Variants in FGF13 observed in about 807,000 individuals in gnomAD.
FGF13 encodes fibroblast growth factor homologous factor 2.
FGF13 carries 2 observed loss-of-function variants against 19.5 expected under a neutral mutation model. The ratio of observed to expected loss-of-function variants is 0.10; its 90% CI spans 0.04 to 0.32. The LOEUF (loss-of-function observed/expected upper bound fraction) is 0.32, where lower values mean the gene tolerates loss of function less well. Ranked by LOEUF, FGF13 falls within the 10% of genes least tolerant of loss-of-function variation. The pLI is 1.00. For synonymous variants in FGF13, 72 were observed against 76.9 expected (o/e 0.94, Z 0.33); for missense variants, 113 against 192.7 (o/e 0.59, Z 2.45).
At chrX:139,048,442 T>C (rs766180973) in intron 1 of FGF13, among the ~76,000 whole-genome samples, 2 of 111,273 alleles carry the variant, frequency 1.8e-5, no homozygotes, top group African/African-American at 6.5e-5. Context: ...AGCACCTGTG[T>C]TCTTCCATAG....
chrX:138,743,719 G>T (rs986895748), upstream of FGF13, among the ~76,000 whole-genome samples: 38 of 111,270 alleles, frequency 3.4e-4, no homozygotes, highest in African/African-American at 1.2e-3. Flanking sequence ...ACTTGTACTG[G>T]GTACCTAATA....
rs1010718068 is a variant in FGF13, at chrX:139,033,490, CA to C, written c.-112-168841del. On this transcript the variant is annotated intron_variant, in intron 1 of 2. Coordinates refer to the FGF13 transcript ENST00000421460. ...GCCCCCATTTTAGAGATAAGGAAAT[CA>C]AAGCTCAGAGTGATGTATTGGCCTG... Among the ~76,000 whole-genome samples, 8 of 111,414 alleles carry C rather than the reference CA, an allele frequency of 7.2e-5. No individual in the cohort carries two copies. In the Admixed American group the frequency reaches 7.6e-4, roughly 11 times the overall value.
At chrX:138,859,516 G>A (rs1425024859) in intron 2 of FGF13, among the ~76,000 whole-genome samples, 1 of 112,472 alleles carries the variant, frequency 8.9e-6, no homozygotes, top group Non-Finnish European at 1.9e-5. Flanking sequence ...ACAGATAACA[G>A]TAAACTGTCT....
intron 1 of FGF13, among the ~76,000 whole-genome samples, chrX:138,953,799 T>G (rs926882528): frequency 3.6e-5 from 4 of 110,270 alleles, no homozygotes; most frequent in African/African-American, 1.3e-4. Flanking sequence ...ACCATCTGAA[T>G]GAAAAACAGC....
chrX:139,086,740 A>G (rs1372370765), intron 1 of FGF13, among the ~76,000 whole-genome samples: 1 of 112,339 alleles, frequency 8.9e-6, no homozygotes, highest in Non-Finnish European at 1.9e-5. Context: ...GTGTTGCGTG[A>G]ATTTCACTTT....
At chrX:139,162,740 C>T (rs1355202272) in intron 1 of FGF13, among the ~76,000 whole-genome samples, 1 of 112,128 alleles carries the variant, frequency 8.9e-6, no homozygotes, top group Non-Finnish European at 1.9e-5. Flanking sequence ...AAGATATGAA[C>T]AGACACTTCT....
chrX:139,112,587 G>T (rs1344327159), intron 1 of FGF13, among the ~76,000 whole-genome samples: 1 of 111,639 alleles, frequency 9.0e-6, no homozygotes, highest in African/African-American at 3.3e-5. Context: ...TTAGGCCCTG[G>T]ATCCAGTCAC....
At chrX:138,892,002 ATGTGTGTGTGTG>A (rs3077315) in intron 1 of FGF13, among the ~76,000 whole-genome samples, 1 of 90,369 alleles carries the variant, frequency 1.1e-5, no homozygotes, top group Non-Finnish European at 2.2e-5. Flanking sequence ...ATATATACAT[ATGTGTGTGTGTG>A]TGTGTGTGTG....
At chrX:138,638,095 C>A (rs1468461990) in intron 3 of FGF13, among the ~76,000 whole-genome samples, 1 of 111,506 alleles carries the variant, frequency 9.0e-6, no homozygotes, top group Non-Finnish European at 1.9e-5. Context: ...TACCTCTTCA[C>A]TGGACTGCTG....
chrX:138,913,638 GAGGAAGGAAGGAAGGAAGGAAGGAAGGA>G (rs747877973), intron 1 of FGF13, among the ~76,000 whole-genome samples: 924 of 61,770 alleles, frequency 0.015, 16 homozygotes, highest in African/African-American at 0.055. Flanking sequence ...AGGAGGGATG[GAGGAAGGAAGGAAGGAAGGAAGGAAGGA>G]AGGAAGGAAG....
intron 1 of FGF13, among the ~76,000 whole-genome samples, chrX:138,970,326 A>G (rs931054614): frequency 2.7e-5 from 3 of 111,434 alleles, no homozygotes; most frequent in African/African-American, 6.5e-5. Flanking sequence ...ATCAAGACCT[A>G]TTTTACAGTG....
At chrX:139,200,555 T>A (rs2084407410) in intron 1 of FGF13, among the ~76,000 whole-genome samples, 1 of 112,080 alleles carries the variant, frequency 8.9e-6, no homozygotes, top group Non-Finnish European at 1.9e-5. Context: ...GCAGCCAGCA[T>A]GAGCCCAGCC....
intron 1 of FGF13, among the ~76,000 whole-genome samples, chrX:138,927,418 T>C (rs192437442): frequency 3.6e-5 from 4 of 111,699 alleles, no homozygotes; most frequent in Admixed American, 9.4e-5. Flanking sequence ...CTCCATGAAA[T>C]AGACCACACT....
intron 1 of FGF13, among the ~76,000 whole-genome samples, chrX:138,728,885 G>C (rs1016540385): frequency 1.2e-4 from 13 of 111,330 alleles, no homozygotes; most frequent in Non-Finnish European, 2.3e-4. Context: ...CAGGTACTCA[G>C]AGCTAAAGCA....
At chrX:139,082,506 A>C (rs756051378) in intron 1 of FGF13, among the ~76,000 whole-genome samples, 4 of 111,831 alleles carry the variant, frequency 3.6e-5, no homozygotes, top group South Asian at 7.7e-4. Flanking sequence ...CAATGACTGG[A>C]GTCCTTGTAA....
intron 1 of FGF13, among the ~76,000 whole-genome samples, chrX:139,027,952 T>C (rs2092207195): frequency 9.0e-6 from 1 of 111,654 alleles, no homozygotes; most frequent in African/African-American, 3.3e-5. Context: ...GCAAATCATT[T>C]CTACATGCTT....
At chrX:138,897,357 T>G (rs904250253) in intron 1 of FGF13, among the ~76,000 whole-genome samples, 3 of 111,084 alleles carry the variant, frequency 2.7e-5, no homozygotes, top group Non-Finnish European at 5.7e-5. Flanking sequence ...CTGTTGCTCC[T>G]TTGGCTTGCA....
At chrX:139,067,575 A>G (rs1272657034) in intron 1 of FGF13, among the ~76,000 whole-genome samples, 2 of 112,109 alleles carry the variant, frequency 1.8e-5, no homozygotes, top group South Asian at 7.5e-4. Context: ...ACAACTTACA[A>G]GGGACAAGAA....
At chrX:138,804,214 T>G (rs1265508243) in intron 3 of FGF13, among the ~76,000 whole-genome samples, 1 of 112,349 alleles carries the variant, frequency 8.9e-6, no homozygotes, top group African/African-American at 3.2e-5. Flanking sequence ...GCACTGAAGT[T>G]AAACAGCAAG....
Sources: gnomAD v4.1 joint callset for allele counts (sites outside exome capture counted in the v4.1 genomes callset) on GRCh38, gnomAD v4.1.1 for gene constraint, MANE v1.5 for transcripts, NCBI Gene and HGNC (gene_info 2026-07-23, HGNC 2026-07-21) for gene names.